The following MTMR9 variants were observed in gnomAD, a reference collection of about 807,000 sequenced individuals.
MTMR9 encodes myotubularin-related protein 9.
Under a neutral mutation model 69.5 loss-of-function variants are expected in MTMR9, and 39 were observed. The ratio of observed to expected loss-of-function variants is 0.56; its 90% confidence interval spans 0.43 to 0.73. MTMR9 has a LOEUF of 0.73. Among genes scored for constraint, MTMR9 ranks in the 30% least tolerant of loss-of-function variants. The pLI, the probability that MTMR9 is intolerant of heterozygous loss-of-function variation, is 0.00. For synonymous variants in MTMR9, 354 were observed against 240.8 expected (o/e 1.47, Z -4.35); for missense variants, 900 against 671.2 (o/e 1.34, Z -3.77).
downstream of MTMR9, among the ~76,000 whole-genome samples, chr8:11,329,326 C>T (rs1447476619): frequency 1.3e-5 from 2 of 152,200 alleles, no homozygotes; most frequent in African/African-American, 4.8e-5. Context: ...CCAGGAGTTC[C>T]CTCTCCCTCT....
At chr8:11,310,298 A>G (rs1018028997) in intron 6 of MTMR9, among the ~76,000 whole-genome samples, 2 of 152,220 alleles carry the variant, frequency 1.3e-5, no homozygotes, top group Non-Finnish European at 2.9e-5. Context: ...GAACAGAGGC[A>G]GAAGGATTGG....
chr8:11,296,405 G>C (rs955860599), intron 2 of MTMR9, among the ~76,000 whole-genome samples: 1 of 152,124 alleles, frequency 6.6e-6, no homozygotes, highest in African/African-American at 2.4e-5. Context: ...AAAAATTGTG[G>C]TTAGAAAACA....
In MTMR9 at chr8:11,314,908, T is replaced by G; in HGVS notation, c.972-15T>G. 1 of 1,612,632 alleles carries G rather than the reference T, an allele frequency of 6.2e-7. No individual in the cohort carries two copies. Among genetic ancestry groups the G allele is most frequent in the Non-Finnish European group, 8.5e-7 (1 of 1,178,832 alleles). On this transcript the variant is annotated splice_polypyrimidine_tract_variant and intron_variant, in intron 6 of 9. Coordinates refer to ENST00000221086, the MANE Select transcript of MTMR9 (RefSeq NM_015458.4). ...GACATTTCCCATTTGTACTCTTCCC[T>G]GATTTTCCTATCAGGGAAGGAGCAT... is the stretch of plus-strand genomic sequence containing the variant.
downstream of MTMR9, chr8:11,332,184 G>GA: frequency 1.3e-6 from 2 of 1,508,698 alleles, no homozygotes; most frequent in Non-Finnish European, 1.8e-6. Flanking sequence ...AAAGACTGAA[G>GA]ACAAAAAAAA....
chr8:11,300,767 A>G (rs950064737), intron 3 of MTMR9: 1 of 152,342 alleles, frequency 6.6e-6, no homozygotes, highest in African/African-American at 2.4e-5. Context: ...ATTTAACAAA[A>G]GAAATTCAAG....
rs1050538414 is a variant in MTMR9 at position 11,325,459 on chromosome 8, C to T, written c.*2671C>T. On this transcript the variant is annotated 3_prime_UTR_variant, in exon 10 of 10. Coordinates refer to ENST00000221086, the MANE Select transcript of MTMR9 (RefSeq NM_015458.4). ...CAGAATGAGTGAGCAAGCAGATTGC[C>T]CCAGAGGGGCCGGTAATAATCACGT... 7 of 152,096 alleles carry T rather than the reference C, an allele frequency of 4.6e-5. No individual in the cohort carries two copies. Among genetic ancestry groups the T allele is most frequent in the African/African-American group, 1.7e-4 (7 of 41,410 alleles). 9.4% of individuals were successfully genotyped at this position (152,096 alleles called of 1,614,324 possible).
intron 6 of MTMR9, among the ~76,000 whole-genome samples, chr8:11,310,434 T>C (rs1800151534): frequency 6.6e-6 from 1 of 152,230 alleles, no homozygotes; most frequent in African/African-American, 2.4e-5. Flanking sequence ...TAACTTGTTT[T>C]ATTGATGCTT....
rs1249934339 is a variant in MTMR9, at chr8:11,327,200, G to A, written c.*4412G>A. On this transcript the variant is annotated 3_prime_UTR_variant, in exon 10 of 10. Coordinates refer to ENST00000221086, the MANE Select transcript of MTMR9 (RefSeq NM_015458.4). ...TCTAGGACTGGATATTAAAATGCCTGAACCTGTTATCTAAATCCTTTTTAA... is the reference window on the plus strand; with the variant it reads ...TCTAGGACTGGATATTAAAATGCCTAAACCTGTTATCTAAATCCTTTTTAA... 2.6e-5 allele frequency: 4 copies of A among 152,132 alleles called. No individual in the cohort carries two copies. Among genetic ancestry groups the A allele is most frequent in the African/African-American group, 9.7e-5 (4 of 41,418 alleles). 9.4% of individuals were successfully genotyped at this position (152,132 alleles called of 1,614,324 possible).
chr8:11,326,517 C>T lies in MTMR9; in HGVS notation c.*3729C>T, dbSNP rs1800938227. On this transcript the variant is annotated 3_prime_UTR_variant, in exon 10 of 10. Transcript: ENST00000221086. ...TGTTTTAATTGGGCAACCCTCAGAA[C>T]TGAAGAGGTTCAGAGAACTTTCCAG... is the stretch of plus-strand genomic sequence containing the variant. The T allele has an allele frequency of 6.6e-6, 1 of 152,188 alleles. No individual in the cohort carries two copies. The highest frequency in any genetic ancestry group is 2.1e-4 in the South Asian group (1 of 4,824). The allele number at this position is 152,188 out of a possible 1,614,324, so 9.4% of individuals were successfully genotyped here.
rs77232290 is a variant in MTMR9, at chr8:11,309,744, T to C, written c.971+56T>C. On this transcript the variant is annotated intron_variant, in intron 6 of 9. Coordinates refer to ENST00000221086, the MANE Select transcript of MTMR9 (RefSeq NM_015458.4). ...ACATGGCGCTGCTAACTAGACTTTG[T>C]GTTTATCCAGACATATGTTTATAGA... The C allele has an allele frequency of 8.5e-4, 1,349 of 1,579,350 alleles. 8 individuals carry two copies. The African/African-American group carries it at 0.015, about 18-fold the overall frequency.
the MTMR9 span, among the ~76,000 whole-genome samples, chr8:11,333,955 A>G: frequency 6.6e-6 from 1 of 152,252 alleles, no homozygotes; most frequent in Non-Finnish European, 1.5e-5. Flanking sequence ...TAATGCCATT[A>G]TCATGGGAGT....
At position 11,304,841 on chromosome 8, in the gene MTMR9, A is replaced by G; in HGVS notation, c.418A>G (p.Thr140Ala). Reference protein sequence around the residue: ...EQEFELYSSATSEWRLSYVNK... With the variant: ...EQEFELYSSAASEWRLSYVNK... ...CTTTGAAGTATTTTGTGTTTTTCAGACCAGTGAATGGAGGCTAAGCTATGT... is the reference window on the plus strand; with the variant it reads ...CTTTGAAGTATTTTGTGTTTTTCAGGCCAGTGAATGGAGGCTAAGCTATGT... Residue 140 changes from threonine (T) to alanine (A), a missense_variant and splice_region_variant, in exon 4 of 10, where the codon ACC becomes GCC. Thr to Ala is a moderately conservative substitution (Grantham distance 58, BLOSUM62 0). Coordinates refer to ENST00000221086, the MANE Select transcript of MTMR9 (RefSeq NM_015458.4). The G allele has an allele frequency of 6.2e-7, 1 of 1,612,978 alleles. No homozygotes were observed. Among genetic ancestry groups the G allele is most frequent in the Admixed American group, 1.7e-5 (1 of 59,750 alleles).
chr8:11,330,818 C>T (rs1466048876), downstream of MTMR9: 4 of 497,832 alleles, frequency 8.0e-6, no homozygotes, highest in Non-Finnish European at 1.4e-5. Flanking sequence ...AAACCAGAGA[C>T]CTTTGTTCAC....
At chr8:11,316,521 A>G (rs1453061406) in intron 7 of MTMR9, 152 bp from the exon 8 acceptor site, 3 of 467,856 alleles carry the variant, frequency 6.4e-6, no homozygotes, top group African/African-American at 2.0e-5. Flanking sequence ...ATTTTATACC[A>G]AGAAATCATT....
At chr8:11,321,278 C>G in intron 9 of MTMR9, 2 of 380,292 alleles carry the variant, frequency 5.3e-6, no homozygotes, top group South Asian at 3.9e-5. Context: ...CTCAGAACTT[C>G]TCTTTGCTTA....
rs77031145 is a variant in MTMR9, at chr8:11,301,035, C to G, written c.417+887C>G. ...ATCAGTGAATGGGTGGTGCTATGTT[C>G]TAATAAACTTTATTTGCAGAAACAA... On this transcript the variant is annotated intron_variant, in intron 3 of 9. Transcript: ENST00000221086. 2.4e-3 allele frequency among the ~76,000 whole-genome samples: 372 copies of G among 152,220 alleles called. 1 individual carries two copies. The highest frequency in any genetic ancestry group is 8.6e-3 in the African/African-American group (356 of 41,536).
At position 11,304,720 on chromosome 8, in the gene MTMR9, A is replaced by G. The variant is rs147177985; in HGVS notation, c.418-121A>G. The G allele has an allele frequency of 1.1e-3, 1,036 of 977,400 alleles. 19 individuals carry two copies. The East Asian group carries it at 0.021, about 20-fold the overall frequency. The allele number at this position is 977,400 out of a possible 1,614,324, so 60.5% of individuals were successfully genotyped here. A position where few individuals can be genotyped will look rare whatever the true frequency, so the allele number is the denominator to read the frequency against. ...ATATAAGCTAGAGATCCACCTGTGA[A>G]ATTCCTGAGAAATGGCTTCTTCATC... On this transcript the variant is annotated intron_variant, in intron 3 of 9. Coordinates refer to ENST00000221086, the MANE Select transcript of MTMR9 (RefSeq NM_015458.4).
intron 6 of MTMR9, among the ~76,000 whole-genome samples, chr8:11,314,148 C>T (rs2117437589): frequency 6.6e-6 from 1 of 152,314 alleles, no homozygotes; most frequent in East Asian, 1.9e-4. Flanking sequence ...TAAAAACTGA[C>T]AGTAGTAACC....
intron 1 of MTMR9, among the ~76,000 whole-genome samples, chr8:11,291,760 G>A (rs1418023223): frequency 6.6e-6 from 1 of 151,830 alleles, no homozygotes; most frequent in Non-Finnish European, 1.5e-5. Context: ...AAGCATAGAT[G>A]ATATGGAAAT....
Sources: allele counts gnomAD v4.1 joint callset (sites outside exome capture counted in the v4.1 genomes callset), GRCh38; gene constraint gnomAD v4.1.1; transcripts MANE v1.5; gene names NCBI Gene and HGNC (gene_info 2026-07-23, HGNC 2026-07-21).